TBCD: variants seen among roughly 807,000 people sequenced by gnomAD.
TBCD encodes tubulin-specific chaperone D.
A neutral mutation model predicts 169.3 loss-of-function variants in TBCD; 105 were observed. That is an observed-to-expected ratio of 0.62 (90% CI 0.53 to 0.73). The LOEUF (loss-of-function observed/expected upper bound fraction) is 0.73, where lower values mean the gene tolerates loss of function less well. Ranked by LOEUF, TBCD falls within the 30% of genes least tolerant of loss-of-function variation. The pLI, the probability that TBCD is intolerant of heterozygous loss-of-function variation, is 0.00. For missense variants in TBCD, 1,444 were observed against 1,600.1 expected, an observed-to-expected ratio of 0.90 and a Z score of 1.66; for synonymous variants, 700 against 643.9, an observed-to-expected ratio of 1.09 and a Z score of -1.32.
rs983689175 is a variant in TBCD, at chr17:82,832,592, G to A, written c.1318+17658G>A. 2.3e-5 allele frequency: 18 copies of A among 779,040 alleles called. No individual in the cohort carries two copies. The highest frequency in any genetic ancestry group is 3.0e-5 in the Non-Finnish European group (14 of 462,288). The allele number at this position is 779,040 out of a possible 1,614,324, so 48.3% of individuals were successfully genotyped here. On this transcript the variant is annotated intron_variant, in intron 13 of 38. Transcript: ENST00000355528. This position sits in a 1 kb window ranked among gnomAD's most constrained non-coding sequence, Gnocchi z 4.9. ...CACTTCTATCAGAAGCCAGCTCTGC[G>A]TGCTGAGGGTCTGGCGAGAGCCTCC...
Position 82,850,386 on chromosome 17 carries a change from T to TCCTGTTGTTGGCTGC in TBCD, c.1319-19838_1319-19837insCCTGTTGTTGGCTGC, listed in dbSNP as rs1172941736. Among the ~76,000 whole-genome samples the TCCTGTTGTTGGCTGC allele has an allele frequency of 2.0e-5, 3 of 150,928 alleles. No homozygotes were observed. In the East Asian group the frequency reaches 5.8e-4, roughly 29 times the overall value. On this transcript the variant is annotated intron_variant, in intron 13 of 38. Transcript: ENST00000355528. ...TTGTTGGCTGTCCTGTTGTTGGCTG[T>TCCTGTTGTTGGCTGC]GCTGTTGTTGGCTGTGCTGTTGTTG...
chr17:82,931,437 C>A (rs1443084460), intron 33 of TBCD, among the ~76,000 whole-genome samples: 2 of 152,254 alleles, frequency 1.3e-5, no homozygotes, highest in Non-Finnish European at 2.9e-5. Context: ...ACCTGCGTCA[C>A]CATAGCCTCA....
intron 13 of TBCD, among the ~76,000 whole-genome samples, chr17:82,826,801 G>A (rs2031569015): frequency 6.8e-6 from 1 of 147,290 alleles, no homozygotes; most frequent in South Asian, 2.2e-4. Flanking sequence ...TTTGAGAAAA[G>A]GTCTCACTCT....
intron 7 of TBCD, among the ~76,000 whole-genome samples, chr17:82,794,014 C>T (rs1175243231): frequency 1.3e-5 from 2 of 152,200 alleles, no homozygotes; most frequent in Non-Finnish European, 2.9e-5. Flanking sequence ...CAGCCATCTG[C>T]CTCAGTGCCG....
At chr17:82,941,324 T>G in intron 37 of TBCD, 75 bp from the exon 38 acceptor site, 2 of 1,323,866 alleles carry the variant, frequency 1.5e-6, no homozygotes, top group Non-Finnish European at 2.1e-6. Flanking sequence ...CATGGAAGCT[T>G]GACGCGGGAC....
chr17:82,768,687 G>A, intron 5 of TBCD, 121 bp downstream of exon 5: 1 of 1,100,510 alleles, frequency 9.1e-7, no homozygotes, highest in African/African-American at 1.6e-5. Flanking sequence ...TTTTTTCAGT[G>A]GGGTAAAATC....
intron 13 of TBCD, among the ~76,000 whole-genome samples, chr17:82,820,972 T>C (rs1009901291): frequency 6.6e-6 from 1 of 152,254 alleles, no homozygotes; most frequent in Non-Finnish European, 1.5e-5. Context: ...TAATTTCTTT[T>C]TGAGACAGGG....
chr17:82,925,255 C>T (rs755247588), intron 27 of TBCD, among the ~76,000 whole-genome samples, 198 bp downstream of exon 27: 32 of 152,334 alleles, frequency 2.1e-4, no homozygotes, highest in African/African-American at 2.6e-4. Flanking sequence ...AGGGCCCTGG[C>T]GAACCCTTTG....
At chr17:82,932,797 A>G (rs2062316093) in intron 34 of TBCD, 62 bp downstream of exon 34, 1 of 1,530,458 alleles carries the variant, frequency 6.5e-7, no homozygotes, top group Admixed American at 1.7e-5. Context: ...TGTATTAAAG[A>G]AAAAGTCATC....
chr17:82,766,420 C>A, intron 4 of TBCD, 52 bp downstream of exon 4: 1 of 1,396,866 alleles, frequency 7.2e-7, no homozygotes, highest in East Asian at 2.3e-5. Context: ...CCTGTCCTTC[C>A]TCCCTGCTTG....
Position 82,789,361 on chromosome 17 carries a change from G to A in TBCD, c.771+7640G>A, listed in dbSNP as rs2049533783. On this transcript the variant is annotated intron_variant, in intron 7 of 38. Transcript: ENST00000355528. The surrounding 1 kb of genome is among the most constrained non-coding windows in gnomAD (Gnocchi z 4.8). Reference sequence around the variant, plus strand: ...GCCCTGGCCCATCCCTGCTGAGGTGGCGCGACCTGCTCACAGACGTGTGCT... The same window carrying A: ...GCCCTGGCCCATCCCTGCTGAGGTGACGCGACCTGCTCACAGACGTGTGCT... 6.6e-6 allele frequency among the ~76,000 whole-genome samples: 1 copy of A among 152,214 alleles called. No homozygotes were observed. Among genetic ancestry groups the A allele is most frequent in the African/African-American group, 2.4e-5 (1 of 41,462 alleles).
At chr17:82,765,844 G>T (rs968981726) in intron 3 of TBCD, among the ~76,000 whole-genome samples, 1 of 152,088 alleles carries the variant, frequency 6.6e-6, no homozygotes, top group Non-Finnish European at 1.5e-5. Flanking sequence ...GAGAGATGGG[G>T]TCTTGCTCTG....
At chr17:82,865,475 T>C in intron 13 of TBCD, 3 of 985,486 alleles carry the variant, frequency 3.0e-6, no homozygotes, top group Non-Finnish European at 3.6e-6. Context: ...CTCTGGGCTA[T>C]GTGGGAGGTG....
At position 82,766,341 on chromosome 17, in the gene TBCD, C is replaced by A. The variant is rs1297337878; in HGVS notation, c.408C>A (p.Val136=). 6 of 1,612,954 alleles carry A rather than the reference C, an allele frequency of 3.7e-6. No individual in the cohort carries two copies. Among genetic ancestry groups the A allele is most frequent in the Non-Finnish European group, 4.2e-6 (5 of 1,179,494 alleles). ...VADVEPVLDL[V]TIQNPKDHEA... is the part of the protein sequence containing the mutation. Reference sequence around the variant, plus strand: ...ATGTAGAGCCTGTTTTAGATTTGGTCACAATTCAGAATCCCAAGGACCATG... The same window carrying A: ...ATGTAGAGCCTGTTTTAGATTTGGTAACAATTCAGAATCCCAAGGACCATG... The change falls in exon 4 of 39, where the codon GTC becomes GTA. Residue 136 remains valine, a synonymous_variant. Coordinates refer to ENST00000355528, the MANE Select transcript of TBCD (RefSeq NM_005993.5).
intron 30 of TBCD, among the ~76,000 whole-genome samples, chr17:82,928,849 C>T (rs893822341): frequency 4.6e-5 from 7 of 152,152 alleles, no homozygotes; most frequent in South Asian, 2.1e-4. Context: ...GCATGTAACA[C>T]GTAGCACATG....
At position 82,927,985 on chromosome 17, in the gene TBCD, A is replaced by G. The variant is rs745875454; in HGVS notation, c.2690A>G (p.His897Arg). Residue 897 changes from histidine (H) to arginine (R), a missense_variant, in exon 30 of 39, where the codon CAT (histidine) becomes CGT (arginine). His to Arg is a conservative substitution (Grantham distance 29). Coordinates refer to ENST00000355528, the MANE Select transcript of TBCD (RefSeq NM_005993.5). ...ARSQPELIEA[H>R]TCERIMCCVA... is the part of the protein sequence containing the mutation. Reference sequence around the variant, plus strand: ...AGCCAGCCTGAGCTGATCGAGGCCCATACGTGAGTGTCACGTCGCAGCTCT... The same window carrying G: ...AGCCAGCCTGAGCTGATCGAGGCCCGTACGTGAGTGTCACGTCGCAGCTCT... 44 of 1,610,200 alleles carry G rather than the reference A, an allele frequency of 2.7e-5. 1 individual carries two copies. The Middle Eastern group carries it at 3.1e-3, about 115-fold the overall frequency.
chr17:82,835,631 G>A lies in TBCD; in HGVS notation c.1318+20697G>A, dbSNP rs962957749. Among the ~76,000 whole-genome samples the A allele has an allele frequency of 5.3e-5, 8 of 151,886 alleles. No individual in the cohort carries two copies. Among genetic ancestry groups the A allele is most frequent in the African/African-American group, 1.2e-4 (5 of 41,316 alleles). On this transcript the variant is annotated intron_variant, in intron 13 of 38. Coordinates refer to ENST00000355528, the MANE Select transcript of TBCD (RefSeq NM_005993.5). The surrounding 1 kb of genome is among the most constrained non-coding windows in gnomAD (Gnocchi z 4.5). ...GTAGAGATGGGGTTTCACTATGTTGGCCCGGCTGGTCTTGAACTCCTGACC... is the reference window on the plus strand; with the variant it reads ...GTAGAGATGGGGTTTCACTATGTTGACCCGGCTGGTCTTGAACTCCTGACC...
rs1027165307 is a variant in TBCD, at chr17:82,856,387, A to G, written c.1319-13837A>G. ...TTTGGGAGGCCAAGATGAGAGGATC[A>G]TTTGAGGCGAGGAGTTCAAGACCAA... On this transcript the variant is annotated intron_variant, in intron 13 of 38. Transcript: ENST00000355528. Among the ~76,000 whole-genome samples the G allele has an allele frequency of 4.6e-5, 7 of 151,598 alleles. No homozygotes were observed. The East Asian group carries it at 1.2e-3, about 26-fold the overall frequency.
chr17:82,905,527 G>C (rs2060183845), intron 19 of TBCD, among the ~76,000 whole-genome samples: 1 of 140,108 alleles, frequency 7.1e-6, no homozygotes, highest in Admixed American at 7.0e-5. Context: ...GTGTGGGTGC[G>C]TGTGGGCTTC....
Sources: allele counts gnomAD v4.1 joint callset (sites outside exome capture counted in the v4.1 genomes callset), GRCh38; gene constraint gnomAD v4.1.1; non-coding constraint Gnocchi (gnomAD v3.1); transcripts MANE v1.5; gene names NCBI Gene and HGNC (gene_info 2026-07-23, HGNC 2026-07-21).